Variants in PLEKHM1 observed in about 807,000 individuals in gnomAD.
PLEKHM1 encodes pleckstrin homology domain-containing family M member 1.
A neutral mutation model predicts 94.3 loss-of-function variants in PLEKHM1; 28 were observed. The observed-to-expected ratio is 0.30, with a 90% confidence interval of 0.22 to 0.41. The LOEUF is 0.41. PLEKHM1 is among the 10% of genes least tolerant of loss of function. PLEKHM1 has a pLI of 1.00. For synonymous variants in PLEKHM1, 424 were observed against 581.2 expected (o/e 0.73, Z 3.89); for missense variants, 907 against 1,358.6 (o/e 0.67, Z 5.22).
chr17:45,451,957 A>G (rs536922767), intron 7 of PLEKHM1, among the ~76,000 whole-genome samples: 77 of 152,338 alleles, frequency 5.1e-4, no homozygotes, highest in African/African-American at 1.6e-3. Context: ...TGTTCTGCCT[A>G]GCTTCTCCCA....
intron 11 of PLEKHM1, among the ~76,000 whole-genome samples, chr17:45,438,657 A>G (rs1249923862): frequency 6.6e-6 from 1 of 152,058 alleles, no homozygotes; most frequent in Non-Finnish European, 1.5e-5. Flanking sequence ...CCCGAATTCA[A>G]GTGATTCCCC....
chr17:45,470,447 A>G (rs1233802483), intron 4 of PLEKHM1, among the ~76,000 whole-genome samples: 2 of 152,296 alleles, frequency 1.3e-5, no homozygotes, highest in Non-Finnish European at 2.9e-5. Flanking sequence ...TGGCCAACAT[A>G]GTGAAACCCT....
chr17:45,462,311 T>G (rs1358633538), intron 5 of PLEKHM1, among the ~76,000 whole-genome samples: 1 of 151,862 alleles, frequency 6.6e-6, no homozygotes, highest in Non-Finnish European at 1.5e-5. Context: ...TCCACAACAC[T>G]AGATTCTGAG....
chr17:45,457,401 T>C (rs1233556533), intron 6 of PLEKHM1, among the ~76,000 whole-genome samples: 1 of 151,610 alleles, frequency 6.6e-6, no homozygotes, highest in Non-Finnish European at 1.5e-5. Flanking sequence ...CCGTCTCTAC[T>C]AATACAAAAT....
rs536251189 is a variant in PLEKHM1, at chr17:45,436,164, C to T, written c.*1694G>A. On this transcript the variant is annotated 3_prime_UTR_variant, in exon 12 of 12. Transcript: ENST00000430334. Reference sequence around the variant, plus strand: ...AACCTGCTGCCTCCGAGGGCACCTTCGGGGAGAATCCTCACAGGCCCAAGC... The same window carrying T: ...AACCTGCTGCCTCCGAGGGCACCTTTGGGGAGAATCCTCACAGGCCCAAGC... 1.5e-5 allele frequency: 7 copies of T among 455,384 alleles called. No homozygotes were observed. The highest frequency in any genetic ancestry group is 6.0e-5 in the African/African-American group (3 of 50,176). 28.2% of individuals were successfully genotyped at this position (455,384 alleles called of 1,614,324 possible).
rs755669380 is a variant in PLEKHM1, at chr17:45,437,297, T to C, written c.*561A>G. The C allele has an allele frequency of 1.5e-5, 7 of 453,982 alleles. No homozygotes were observed. Among genetic ancestry groups the C allele is most frequent in the South Asian group, 3.1e-5 (2 of 64,488 alleles). 28.1% of individuals were successfully genotyped at this position (453,982 alleles called of 1,614,324 possible). On this transcript the variant is annotated 3_prime_UTR_variant, in exon 12 of 12. Coordinates refer to ENST00000430334, the MANE Select transcript of PLEKHM1 (RefSeq NM_014798.3). The surrounding 1 kb of genome is among the most constrained non-coding windows in gnomAD (Gnocchi z 4.0). ...CAAGGAAAGGCACTGGGTGGGCCCA[T>C]AGACCCTGTCCCAGCAGTGGCCTGC...
intron 1 of PLEKHM1, 107 bp from the exon 2 acceptor site, chr17:45,482,632 C>T (rs1228020620): frequency 1.4e-6 from 1 of 711,446 alleles, no homozygotes; most frequent in Non-Finnish European, 2.6e-6. Context: ...CAAACTGCAA[C>T]CAAAAAGGCC....
Position 45,478,007 on chromosome 17 carries a change from G to A in PLEKHM1, c.189C>T (p.His63=). 2 of 1,614,158 alleles carry A rather than the reference G, an allele frequency of 1.2e-6. No individual in the cohort carries two copies. Among genetic ancestry groups the A allele is most frequent in the Non-Finnish European group, 8.5e-7 (1 of 1,180,020 alleles). ...CGGCCTCAGCTCGGATGTGCTTGGC[G>A]TGCAGGCCATGGATAAATACGGCCT... ...ALEAVFIHGL[H]AKHIRAEAGG... is the part of the protein sequence containing the mutation. The change falls in exon 3 of 12, where the codon CAC becomes CAT. Residue 63 remains histidine, a synonymous_variant. Coordinates refer to ENST00000430334, the MANE Select transcript of PLEKHM1 (RefSeq NM_014798.3).
At chr17:45,448,257 T>C (rs1427667100) in intron 8 of PLEKHM1, 1 of 152,238 alleles carries the variant, frequency 6.6e-6, no homozygotes, top group Non-Finnish European at 1.5e-5. Context: ...TAATTTCCTC[T>C]ATGTAGTTAG....
At position 45,437,342 on chromosome 17, in the gene PLEKHM1, T is replaced by A. The variant is rs1440288668; in HGVS notation, c.*516A>T. 1 of 454,040 alleles carries A rather than the reference T, an allele frequency of 2.2e-6. No homozygotes were observed. Among genetic ancestry groups the A allele is most frequent in the East Asian group, 6.9e-5 (1 of 14,400 alleles). The allele number at this position is 454,040 out of a possible 1,614,324, so 28.1% of individuals were successfully genotyped here. A position where few individuals can be genotyped will look rare whatever the true frequency, so the allele number is the denominator to read the frequency against. ...GCCTGCCCACCAGCCACCCGCTACC[T>A]CTAAGCCAGGCCTGAGTGGCTCCTG... is the stretch of plus-strand genomic sequence containing the variant. On this transcript the variant is annotated 3_prime_UTR_variant, in exon 12 of 12. Coordinates refer to ENST00000430334, the MANE Select transcript of PLEKHM1 (RefSeq NM_014798.3). The surrounding 1 kb of genome is among the most constrained non-coding windows in gnomAD (Gnocchi z 4.0).
In PLEKHM1 at chr17:45,453,332, G is replaced by T; in HGVS notation, c.2497+23C>A. 6.2e-7 allele frequency: 1 copy of T among 1,607,328 alleles called. No individual in the cohort carries two copies. The highest frequency in any genetic ancestry group is 1.1e-5 in the South Asian group (1 of 90,128). On this transcript the variant is annotated intron_variant, in intron 7 of 11. Coordinates refer to ENST00000430334, the MANE Select transcript of PLEKHM1 (RefSeq NM_014798.3). This position sits in a 1 kb window ranked among gnomAD's most constrained non-coding sequence, Gnocchi z 4.1. ...GTGGAGTGAGGCTGGCAGGCTGGGG[G>T]TGGCAGCAGAGCAAATCGGCACCTG... is the stretch of plus-strand genomic sequence containing the variant.
Position 45,478,007 on chromosome 17 carries a change from G to C in PLEKHM1, c.189C>G (p.His63Gln). 1.2e-6 allele frequency: 2 copies of C among 1,614,158 alleles called. No individual in the cohort carries two copies. The highest frequency in any genetic ancestry group is 1.1e-5 in the South Asian group (1 of 91,082). ...ALEAVFIHGL[H>Q]AKHIRAEAGG... ...CGGCCTCAGCTCGGATGTGCTTGGC[G>C]TGCAGGCCATGGATAAATACGGCCT... Residue 63 changes from histidine to glutamine, a missense_variant, in exon 3 of 12, where the codon CAC becomes CAG. Physicochemically the swap from His to Gln is conservative, Grantham distance 24. This residue lies in a region of PLEKHM1 where 176 missense variants were observed against 306.0 expected (regional missense o/e 0.58). Coordinates refer to ENST00000430334, the MANE Select transcript of PLEKHM1 (RefSeq NM_014798.3).
At position 45,453,872 on chromosome 17, in the gene PLEKHM1, C is replaced by T. The variant is rs754291355; in HGVS notation, c.1980G>A (p.Leu660=). 1.1e-4 allele frequency: 177 copies of T among 1,613,856 alleles called. 1 individual carries two copies. Among genetic ancestry groups the T allele is most frequent in the South Asian group, 7.6e-4 (69 of 91,078 alleles). ...APQGCLSPSD[L]LSEPAALQGT... ...CCTGGAGGGCCGCGGGCTCCGAGAG[C>T]AGGTCTGAGGGAGAGAGGCAGCCCT... Residue 660 remains leucine (L), a synonymous_variant, in exon 7 of 12, where the codon CTG becomes CTA. Transcript: ENST00000430334. The surrounding 1 kb of genome is among the most constrained non-coding windows in gnomAD (Gnocchi z 4.1).
At chr17:45,482,713 G>A (rs1036252518) in intron 1 of PLEKHM1, among the ~76,000 whole-genome samples, 188 bp from the exon 2 acceptor site, 2 of 152,184 alleles carry the variant, frequency 1.3e-5, no homozygotes, top group African/African-American at 2.4e-5. Context: ...AGCCCAGGGG[G>A]CTTAGTCGTT....
At chr17:45,435,078 C>T (rs527669469), downstream of PLEKHM1, among the ~76,000 whole-genome samples, 13 of 152,110 alleles carry the variant, frequency 8.5e-5, no homozygotes, top group Admixed American at 3.9e-4. Context: ...CACCAGGTCA[C>T]GTGCTGTGGC....
chr17:45,479,640 C>T (rs1026672487), intron 2 of PLEKHM1, among the ~76,000 whole-genome samples: 3 of 151,964 alleles, frequency 2.0e-5, no homozygotes, highest in Admixed American at 6.6e-5. Context: ...GAGCCAAAAT[C>T]GTGCCACTGC....
intron 1 of PLEKHM1, among the ~76,000 whole-genome samples, chr17:45,489,692 A>G (rs564734999): frequency 1.3e-5 from 2 of 152,170 alleles, no homozygotes; most frequent in East Asian, 3.9e-4. Context: ...GCACCCGCCA[A>G]TCATGCTGCT....
chr17:45,443,480 G>A (rs1178608912), intron 9 of PLEKHM1, among the ~76,000 whole-genome samples: 1 of 152,266 alleles, frequency 6.6e-6, no homozygotes, highest in Non-Finnish European at 1.5e-5. Context: ...ACAGGCATGG[G>A]AAGCAGGCTG....
intron 11 of PLEKHM1, among the ~76,000 whole-genome samples, chr17:45,439,257 G>C (rs2050363726): frequency 6.6e-6 from 1 of 152,228 alleles, no homozygotes; most frequent in South Asian, 2.1e-4. Context: ...GAGGAGTCCT[G>C]GGAAAGCTTG....
Sources: gnomAD v4.1 joint callset for allele counts (sites outside exome capture counted in the v4.1 genomes callset) on GRCh38, gnomAD v4.1.1 for gene constraint, gnomAD v4.1.1 regional missense constraint, Gnocchi (gnomAD v3.1) non-coding constraint, MANE v1.5 for transcripts, NCBI Gene and HGNC (gene_info 2026-07-23, HGNC 2026-07-21) for gene names.